ARHGEF10L: variants seen among roughly 807,000 people sequenced by gnomAD.
The protein encoded by ARHGEF10L is Rho guanine nucleotide exchange factor 10 like, also known as rho guanine nucleotide exchange factor 10-like protein.
In ARHGEF10L, 69 loss-of-function variants were observed where a neutral mutation model predicts 141.2. That is an observed-to-expected ratio of 0.49 (90% confidence interval 0.40 to 0.60). The LOEUF (loss-of-function observed/expected upper bound fraction) is 0.60. Among genes scored for constraint, ARHGEF10L ranks in the 20% least tolerant of loss-of-function variants. ARHGEF10L has a pLI of 0.00. For missense variants in ARHGEF10L, 1,482 were observed against 1,734.3 expected (o/e 0.85, Z 2.58); for synonymous variants, 711 against 718.5 (o/e 0.99, Z 0.17).
rs150955569 is a variant in ARHGEF10L, at chr1:17,632,284, G to A, written c.1585-37G>A. On this transcript the variant is annotated intron_variant, in intron 15 of 28. Coordinates refer to ENST00000361221, the MANE Select transcript of ARHGEF10L (RefSeq NM_018125.4). Reference sequence around the variant, plus strand: ...TCCGGCGCGGTAAAGCCGCCGGGCCGCGATGCTGATGCTGACCTTCCCTGC... The same window carrying A: ...TCCGGCGCGGTAAAGCCGCCGGGCCACGATGCTGATGCTGACCTTCCCTGC... 352 of 1,609,486 alleles carry A rather than the reference G, an allele frequency of 2.2e-4. 2 individuals are homozygous for A. In the East Asian group the frequency reaches 4.7e-3, roughly 22 times the overall value.
intron 1 of ARHGEF10L, among the ~76,000 whole-genome samples, chr1:17,556,708 G>T (rs1452868751): frequency 1.3e-5 from 2 of 152,168 alleles, no homozygotes; most frequent in Non-Finnish European, 2.9e-5. Flanking sequence ...TGCTAAGAAG[G>T]CAGATTCTTG....
chr1:17,578,264 C>T (rs1045662043), intron 1 of ARHGEF10L, among the ~76,000 whole-genome samples: 1 of 152,136 alleles, frequency 6.6e-6, no homozygotes, highest in African/African-American at 2.4e-5. Context: ...GCAGGAGTGC[C>T]GTGCAGCTAC....
chr1:17,639,816 C>A lies in ARHGEF10L; in HGVS notation c.2172-386C>A. On this transcript the variant is annotated intron_variant, in intron 20 of 28. Transcript: ENST00000361221. This position sits in a 1 kb window ranked among gnomAD's most constrained non-coding sequence, Gnocchi z 4.3. ...TGCTGGGAACAGACCCAAGTGAGAC[C>A]CATTCCTCCCTCTAGAGGCACGTGG... 2 of 1,320,542 alleles carry A rather than the reference C, an allele frequency of 1.5e-6. No homozygotes were observed. The highest frequency in any genetic ancestry group is 2.0e-6 in the Non-Finnish European group (2 of 1,008,866). 81.8% of individuals were successfully genotyped at this position (1,320,542 alleles called of 1,614,324 possible). A position where few individuals can be genotyped will look rare whatever the true frequency, so the allele number is the denominator to read the frequency against.
the ARHGEF10L span, among the ~76,000 whole-genome samples, chr1:17,524,084 G>A: frequency 2.6e-5 from 4 of 152,124 alleles, no homozygotes; most frequent in Non-Finnish European, 5.9e-5. Flanking sequence ...GACCAGCCTG[G>A]TGAACATGGC....
chr1:17,528,221 A>C, the ARHGEF10L span, among the ~76,000 whole-genome samples: 5 of 150,558 alleles, frequency 3.3e-5, no homozygotes, highest in Non-Finnish European at 5.9e-5. Flanking sequence ...TTCTTTCTTT[A>C]TTTGTTTATT....
chr1:17,663,092 T>G (rs1376852796), intron 25 of ARHGEF10L, among the ~76,000 whole-genome samples: 1 of 152,114 alleles, frequency 6.6e-6, no homozygotes, highest in Non-Finnish European at 1.5e-5. Flanking sequence ...TGGCATCAGG[T>G]GTGACTTCTG....
intron 15 of ARHGEF10L, among the ~76,000 whole-genome samples, chr1:17,629,246 C>CA (rs2060548555): frequency 6.7e-6 from 1 of 150,196 alleles, no homozygotes; most frequent in Non-Finnish European, 1.5e-5. Flanking sequence ...AGGCTGGTCT[C>CA]AAACTCCTGG....
At chr1:17,583,017 C>T (rs928148588) in intron 2 of ARHGEF10L, among the ~76,000 whole-genome samples, 1 of 150,680 alleles carries the variant, frequency 6.6e-6, no homozygotes, top group African/African-American at 2.5e-5. Context: ...GAGTTTGAGA[C>T]CAGTCTGGAC....
At chr1:17,610,134 C>T (rs1407219179) in intron 7 of ARHGEF10L, among the ~76,000 whole-genome samples, 2 of 152,102 alleles carry the variant, frequency 1.3e-5, no homozygotes, top group Non-Finnish European at 2.9e-5. Flanking sequence ...CAGCGGTGGT[C>T]CCCATGCTTC....
chr1:17,577,908 T>C (rs2078290541), intron 1 of ARHGEF10L, among the ~76,000 whole-genome samples: 1 of 152,168 alleles, frequency 6.6e-6, no homozygotes, highest in African/African-American at 2.4e-5. Flanking sequence ...TGTTGGTGTC[T>C]CTCTTCCTTT....
rs1002523702 is a variant in ARHGEF10L at position 17,544,278 on chromosome 1, G to GTA, written c.-44+4341_-44+4342dup. Among the ~76,000 whole-genome samples, 490 of 149,592 alleles carry GTA rather than the reference G, an allele frequency of 3.3e-3. 3 individuals are homozygous for GTA. Among genetic ancestry groups the GTA allele is most frequent in the African/African-American group, 0.011 (440 of 40,846 alleles). ...ATAAATTTTATACATATATATGTGT[G>GTA]TATATATATATATAATAATTTTTTT... On this transcript the variant is annotated intron_variant, in intron 1 of 28. Transcript: ENST00000361221.
At chr1:17,516,179 CATT>C in the ARHGEF10L span, among the ~76,000 whole-genome samples, 1 of 152,248 alleles carries the variant, frequency 6.6e-6, no homozygotes, top group Non-Finnish European at 1.5e-5. Flanking sequence ...TTAGGAAACT[CATT>C]ATGCTACCAG....
chr1:17,619,654 C>T lies in ARHGEF10L; in HGVS notation c.942+209C>T, dbSNP rs545619321. Among the ~76,000 whole-genome samples, 1 of 152,278 alleles carries T rather than the reference C, an allele frequency of 6.6e-6. No homozygotes were observed. Among genetic ancestry groups the T allele is most frequent in the Non-Finnish European group, 1.5e-5 (1 of 67,998 alleles). On this transcript the variant is annotated intron_variant, in intron 10 of 28. Coordinates refer to ENST00000361221, the MANE Select transcript of ARHGEF10L (RefSeq NM_018125.4). This position sits in a 1 kb window ranked among gnomAD's most constrained non-coding sequence, Gnocchi z 5.0. ...CACTTTCTACCCCGTGTGCTCTGTG[C>T]TGTTGGTTTTGGGGGGTGGGCTCCC...
At position 17,634,536 on chromosome 1, in the gene ARHGEF10L, C is replaced by CT. The variant is rs774330708; in HGVS notation, c.1731-6dup. 1.1e-5 allele frequency: 18 copies of CT among 1,614,138 alleles called. No homozygotes were observed. The highest frequency in any genetic ancestry group is 9.9e-5 in the South Asian group (9 of 91,070). On this transcript the variant is annotated splice_polypyrimidine_tract_variant and intron_variant, in intron 16 of 28. Transcript: ENST00000361221. ...ATAACAATCTCCCTTTCCTTCTTGTCTTTTTTCCCAGGCCTGCCAACCACA... is the reference window on the plus strand; with the variant it reads ...ATAACAATCTCCCTTTCCTTCTTGTCTTTTTTTCCCAGGCCTGCCAACCACA...
intron 4 of ARHGEF10L, among the ~76,000 whole-genome samples, chr1:17,600,818 G>A (rs1372004359): frequency 6.6e-6 from 1 of 152,100 alleles, no homozygotes; most frequent in East Asian, 1.9e-4. Flanking sequence ...GGGAGGCTGA[G>A]GTGGGTGGAT....
At position 17,632,315 on chromosome 1, in the gene ARHGEF10L, C is replaced by T. The variant is rs570837652; in HGVS notation, c.1585-6C>T. 13 of 1,613,820 alleles carry T rather than the reference C, an allele frequency of 8.1e-6. No individual in the cohort carries two copies. In the African/African-American group the frequency reaches 1.3e-4, roughly 17 times the overall value. On this transcript the variant is annotated splice_polypyrimidine_tract_variant and splice_region_variant and intron_variant, in intron 15 of 28. Coordinates refer to ENST00000361221, the MANE Select transcript of ARHGEF10L (RefSeq NM_018125.4). ...CTGATGCTGACCTTCCCTGCCCCTCCTCCAGCTGTTGACCTCAGGCCAGCG... is the reference window on the plus strand; with the variant it reads ...CTGATGCTGACCTTCCCTGCCCCTCTTCCAGCTGTTGACCTCAGGCCAGCG...
the ARHGEF10L span, among the ~76,000 whole-genome samples, chr1:17,522,613 C>T: frequency 6.6e-6 from 1 of 152,082 alleles, no homozygotes; most frequent in Non-Finnish European, 1.5e-5. Context: ...GGCTGCCTCC[C>T]TGGCTTTTGG....
intron 4 of ARHGEF10L, among the ~76,000 whole-genome samples, chr1:17,594,374 T>G (rs2079877151): frequency 6.6e-6 from 1 of 152,308 alleles, no homozygotes; most frequent in East Asian, 1.9e-4. Flanking sequence ...CTAATCCCTC[T>G]GGTGCAACCG....
intron 1 of ARHGEF10L, among the ~76,000 whole-genome samples, chr1:17,568,721 C>T (rs904658897): frequency 6.6e-6 from 1 of 152,176 alleles, no homozygotes; most frequent in South Asian, 2.1e-4. Flanking sequence ...GTAAGTCGCA[C>T]CACAGGGTTG....
Sources: gnomAD v4.1 joint callset for allele counts (sites outside exome capture counted in the v4.1 genomes callset) on GRCh38, gnomAD v4.1.1 for gene constraint, Gnocchi (gnomAD v3.1) non-coding constraint, MANE v1.5 for transcripts, NCBI Gene and HGNC (gene_info 2026-07-23, HGNC 2026-07-21) for gene names.